The following GMDS variants were observed in gnomAD, a reference collection of about 807,000 sequenced individuals.
GMDS encodes the protein GDP-mannose 4,6 dehydratase.
A neutral mutation model predicts 49.9 loss-of-function variants in GMDS; 20 were observed. That is an observed-to-expected ratio of 0.40 (90% CI 0.28 to 0.58). GMDS has a LOEUF of 0.58. Among genes scored for constraint, GMDS ranks in the 20% least tolerant of loss-of-function variants. GMDS has a pLI of 0.42. For missense variants in GMDS, 362 were observed against 481.4 expected (o/e 0.75, Z 2.32); for synonymous variants, 177 against 178.6 (o/e 0.99, Z 0.07).
intron 7 of GMDS, among the ~76,000 whole-genome samples, chr6:1,899,397 G>A (rs184288639): frequency 5.9e-5 from 9 of 152,140 alleles, no homozygotes; most frequent in Admixed American, 1.3e-4. Context: ...TGGTCCCCAC[G>A]CGTCCTGGCT....
At chr6:1,903,069 T>C (rs1263169768) in intron 7 of GMDS, among the ~76,000 whole-genome samples, 1 of 152,190 alleles carries the variant, frequency 6.6e-6, no homozygotes, top group Non-Finnish European at 1.5e-5. Context: ...AATCAGGAGA[T>C]TCACTTTGTT....
At chr6:2,132,192 T>C (rs1017172004) in intron 1 of GMDS, among the ~76,000 whole-genome samples, 2 of 152,170 alleles carry the variant, frequency 1.3e-5, no homozygotes. Context: ...AATACATTAT[T>C]TATATGGCAA....
chr6:1,768,687 TGG>T (rs919078257), intron 7 of GMDS, among the ~76,000 whole-genome samples: 14 of 152,262 alleles, frequency 9.2e-5, no homozygotes, highest in Non-Finnish European at 1.6e-4. Context: ...TTTTTGGATT[TGG>T]GATGTTCGAC....
chr6:1,913,392 A>C (rs76027128), intron 7 of GMDS, among the ~76,000 whole-genome samples: 4 of 148,308 alleles, frequency 2.7e-5, no homozygotes, highest in African/African-American at 5.0e-5. Context: ...AACAAACAAA[A>C]AAAAAAAAAA....
chr6:1,637,592 A>G (rs946007541), intron 9 of GMDS, among the ~76,000 whole-genome samples: 8 of 152,148 alleles, frequency 5.3e-5, no homozygotes, highest in Non-Finnish European at 1.0e-4. Context: ...CACATAAATA[A>G]TGGCACAAGG....
At chr6:2,090,521 C>A (rs750436538) in intron 4 of GMDS, among the ~76,000 whole-genome samples, 1 of 152,148 alleles carries the variant, frequency 6.6e-6, no homozygotes, top group Non-Finnish European at 1.5e-5. Context: ...AAGCAAAATT[C>A]AACCTGAATA....
intron 7 of GMDS, among the ~76,000 whole-genome samples, chr6:1,846,073 C>T (rs1561842203): frequency 6.7e-6 from 1 of 148,936 alleles, no homozygotes; most frequent in Non-Finnish European, 1.5e-5. Context: ...GGCCAGACAC[C>T]ATGTTTCTTT....
intron 1 of GMDS, among the ~76,000 whole-genome samples, chr6:2,173,186 T>C (rs1217419666): frequency 6.6e-6 from 1 of 152,204 alleles, no homozygotes; most frequent in Non-Finnish European, 1.5e-5. Context: ...TATAATCAGA[T>C]ACAGTCTGAA....
intron 1 of GMDS, among the ~76,000 whole-genome samples, chr6:2,212,028 T>C (rs552023691): frequency 5.3e-5 from 8 of 152,238 alleles, no homozygotes; most frequent in Non-Finnish European, 1.0e-4. Context: ...AGTAAGTAAA[T>C]ATAGTATAAC....
intron 8 of GMDS, among the ~76,000 whole-genome samples, chr6:1,739,235 C>T (rs1055298827): frequency 1.3e-5 from 2 of 152,204 alleles, no homozygotes; most frequent in Non-Finnish European, 2.9e-5. Context: ...CAGACCCTGG[C>T]TCTGCTACTC....
intron 7 of GMDS, among the ~76,000 whole-genome samples, chr6:1,920,862 C>T (rs183490659): frequency 1.3e-5 from 2 of 152,296 alleles, no homozygotes; most frequent in South Asian, 2.1e-4. Flanking sequence ...AAGTGAATAG[C>T]TAACCTAAGT....
At chr6:1,659,064 C>T (rs1188384422) in intron 9 of GMDS, among the ~76,000 whole-genome samples, 2 of 152,192 alleles carry the variant, frequency 1.3e-5, no homozygotes, top group South Asian at 2.1e-4. Flanking sequence ...GCAAACTCCT[C>T]ATGAACCATG....
At chr6:2,049,729 C>A (rs12663387) in intron 4 of GMDS, among the ~76,000 whole-genome samples, 1 of 152,146 alleles carries the variant, frequency 6.6e-6, no homozygotes, top group Non-Finnish European at 1.5e-5. Flanking sequence ...AGCGATGCCT[C>A]AAAACCGCAC....
chr6:2,170,950 G>A (rs1046761998), intron 1 of GMDS, among the ~76,000 whole-genome samples: 3 of 151,870 alleles, frequency 2.0e-5, no homozygotes, highest in Non-Finnish European at 4.4e-5. Context: ...AGCCGAGATT[G>A]CACCACTGCA....
At chr6:2,142,863 T>C (rs1776372458) in intron 1 of GMDS, among the ~76,000 whole-genome samples, 1 of 152,164 alleles carries the variant, frequency 6.6e-6, no homozygotes, top group Non-Finnish European at 1.5e-5. Context: ...TGGCTTTCTC[T>C]GGGGTCCATC....
chr6:2,160,761 T>C (rs139750672), intron 1 of GMDS, among the ~76,000 whole-genome samples: 66 of 152,178 alleles, frequency 4.3e-4, no homozygotes, highest in African/African-American at 1.5e-3. Context: ...CTCCTGAGCC[T>C]AAGCTATCCA....
chr6:1,657,853 C>CAAAAAAAAAAAAAAAAAAAAAA (rs757277370), intron 9 of GMDS, among the ~76,000 whole-genome samples: 1 of 63,348 alleles, frequency 1.6e-5, no homozygotes, highest in Non-Finnish European at 3.0e-5. Flanking sequence ...AGAACTCAAG[C>CAAAAAAAAAAAAAAAAAAAAAA]AAAAAAAAAA....
chr6:2,114,905 A>G (rs1204083163), intron 4 of GMDS, among the ~76,000 whole-genome samples: 1 of 152,170 alleles, frequency 6.6e-6, no homozygotes, highest in Admixed American at 6.5e-5. Flanking sequence ...CACCTAAGAA[A>G]AACTTTCTGA....
At chr6:2,184,615 G>A (rs1259488922) in intron 1 of GMDS, among the ~76,000 whole-genome samples, 2 of 152,072 alleles carry the variant, frequency 1.3e-5, no homozygotes, top group Admixed American at 1.3e-4. Context: ...TCTCTAGCAC[G>A]GTGCTTCCCA....
Sources: allele counts gnomAD v4.1 joint callset (sites outside exome capture counted in the v4.1 genomes callset), GRCh38; gene constraint gnomAD v4.1.1; transcripts MANE v1.5; gene names NCBI Gene and HGNC (gene_info 2026-07-23, HGNC 2026-07-21).